NEXMIF: variants seen among roughly 807,000 people sequenced by gnomAD.
The protein encoded by NEXMIF is neurite extension and migration factor.
NEXMIF carries 8 observed loss-of-function variants against 62.1 expected under a neutral mutation model. That is an observed-to-expected ratio of 0.13 (90% CI 0.08 to 0.23). NEXMIF has a LOEUF of 0.23. Among genes scored for constraint, NEXMIF ranks in the 10% least tolerant of loss-of-function variants. NEXMIF has a pLI of 1.00. For synonymous variants in NEXMIF, 404 were observed against 416.6 expected (o/e 0.97, Z 0.37); for missense variants, 976 against 1,113.3 (o/e 0.88, Z 1.75).
chrX:74,787,738 C>T (rs182004373), intron 1 of NEXMIF, among the ~76,000 whole-genome samples: 15 of 111,810 alleles, frequency 1.3e-4, no homozygotes, highest in Non-Finnish European at 1.9e-4. Flanking sequence ...CCTCTTTGGG[C>T]GAGAGAGCTG....
chrX:74,824,923 C>A (rs1291992579), intron 1 of NEXMIF, among the ~76,000 whole-genome samples: 2 of 111,185 alleles, frequency 1.8e-5, no homozygotes, highest in African/African-American at 6.5e-5. Context: ...GCTGGGATTA[C>A]AGGTATAAGC....
intron 1 of NEXMIF, among the ~76,000 whole-genome samples, chrX:74,895,097 T>C (rs2080728879): frequency 8.9e-6 from 1 of 112,276 alleles, no homozygotes; most frequent in South Asian, 3.7e-4. Context: ...CTGTTAGAAA[T>C]AGTAAACAAA....
intron 1 of NEXMIF, among the ~76,000 whole-genome samples, chrX:74,849,685 A>G (rs1471075843): frequency 8.9e-6 from 1 of 112,497 alleles, no homozygotes; most frequent in Non-Finnish European, 1.9e-5. Context: ...GTGCATCCAG[A>G]GCAGAACCAT....
chrX:74,840,257 G>A (rs2080469834), intron 1 of NEXMIF, among the ~76,000 whole-genome samples: 1 of 111,109 alleles, frequency 9.0e-6, no homozygotes, highest in African/African-American at 3.3e-5. Flanking sequence ...CTTTTAAGTG[G>A]GGTTGTTTTT....
At chrX:74,766,041 CA>C (rs35891512) in intron 1 of NEXMIF, among the ~76,000 whole-genome samples, 795 of 78,755 alleles carry the variant, frequency 0.01, 6 homozygotes, top group Middle Eastern at 0.024. Context: ...ACTCTGTCTC[CA>C]AAAAAAAAAA....
rs755756781 is a variant in NEXMIF, at chrX:74,879,628, C to G, written c.-48+45255G>C. Reference sequence around the variant, plus strand: ...TACATAGTAAAGACCACTCCCATTTCAAGAATGTACTGACATTTGGAATGG... The same window carrying G: ...TACATAGTAAAGACCACTCCCATTTGAAGAATGTACTGACATTTGGAATGG... On this transcript the variant is annotated intron_variant, in intron 1 of 3. Transcript: ENST00000055682. Among the ~76,000 whole-genome samples, 6 of 112,124 alleles carry G rather than the reference C, an allele frequency of 5.4e-5. No homozygotes were observed. The East Asian group carries it at 8.4e-4, about 16-fold the overall frequency.
At chrX:74,887,716 A>C (rs1336758582) in intron 1 of NEXMIF, among the ~76,000 whole-genome samples, 2 of 111,850 alleles carry the variant, frequency 1.8e-5, no homozygotes, top group African/African-American at 6.5e-5. Context: ...AAACTAGTTC[A>C]ACCATTGTGG....
intron 1 of NEXMIF, among the ~76,000 whole-genome samples, chrX:74,832,547 C>G (rs897304446): frequency 1.5e-4 from 17 of 110,687 alleles, no homozygotes; most frequent in Non-Finnish European, 9.5e-5. Flanking sequence ...CAAAACAAAA[C>G]AAAATGAAAA....
At chrX:74,921,583 C>T (rs2080827262) in intron 1 of NEXMIF, among the ~76,000 whole-genome samples, 1 of 111,292 alleles carries the variant, frequency 9.0e-6, no homozygotes, top group Admixed American at 9.6e-5. Flanking sequence ...GTTTTGTTTT[C>T]AAGCAGCCCT....
At chrX:74,791,562 A>C (rs2080283038) in intron 1 of NEXMIF, among the ~76,000 whole-genome samples, 1 of 111,460 alleles carries the variant, frequency 9.0e-6, no homozygotes, top group Admixed American at 9.5e-5. Flanking sequence ...GTACCAGCTA[A>C]TCCTTGTACC....
At chrX:74,806,073 T>C (rs2080343996) in intron 1 of NEXMIF, among the ~76,000 whole-genome samples, 2 of 111,834 alleles carry the variant, frequency 1.8e-5, no homozygotes, top group Admixed American at 9.5e-5. Flanking sequence ...CTTTATCAGA[T>C]ACGTGATTTG....
At chrX:74,767,973 G>A (rs893810099) in intron 1 of NEXMIF, among the ~76,000 whole-genome samples, 3 of 111,129 alleles carry the variant, frequency 2.7e-5, no homozygotes, top group Non-Finnish European at 3.8e-5. Context: ...TGTATGGGAG[G>A]GGGGGTCTAA....
At chrX:74,871,464 G>C (rs1021360493) in intron 1 of NEXMIF, among the ~76,000 whole-genome samples, 1 of 111,440 alleles carries the variant, frequency 9.0e-6, no homozygotes, top group Non-Finnish European at 1.9e-5. Flanking sequence ...CAGGAAACAG[G>C]GTTCGAGAGC....
chrX:74,773,295 C>G (rs1025476183), intron 1 of NEXMIF, among the ~76,000 whole-genome samples: 2 of 112,012 alleles, frequency 1.8e-5, no homozygotes, highest in Non-Finnish European at 3.8e-5. Context: ...AAACAATGGT[C>G]TTACAAGATA....
intron 1 of NEXMIF, among the ~76,000 whole-genome samples, chrX:74,913,397 C>T (rs938512542): frequency 9.0e-6 from 1 of 111,003 alleles, no homozygotes; most frequent in Non-Finnish European, 1.9e-5. Flanking sequence ...GAACAGGCCT[C>T]GGGGACCTGT....
intron 1 of NEXMIF, among the ~76,000 whole-genome samples, chrX:74,908,235 T>G (rs1204664610): frequency 8.9e-6 from 1 of 112,012 alleles, no homozygotes; most frequent in East Asian, 2.8e-4. Flanking sequence ...AAAATAGGCT[T>G]TCATTTCAAA....
chrX:74,864,821 G>C (rs764888542), intron 1 of NEXMIF, among the ~76,000 whole-genome samples: 1 of 110,456 alleles, frequency 9.1e-6, no homozygotes, highest in Admixed American at 9.6e-5. Flanking sequence ...CAATTCTCAT[G>C]CCTCAGCCTC....
At chrX:74,844,773 C>T (rs2080486321) in intron 1 of NEXMIF, among the ~76,000 whole-genome samples, 1 of 112,499 alleles carries the variant, frequency 8.9e-6, no homozygotes, top group South Asian at 3.7e-4. Context: ...TACTTAAGTC[C>T]TGCAATCCAG....
Position 74,857,018 on chromosome X carries a change from G to A in NEXMIF, c.-48+67865C>T, listed in dbSNP as rs964648658. 2.7e-5 allele frequency among the ~76,000 whole-genome samples: 3 copies of A among 112,454 alleles called. No homozygotes were observed. In the Admixed American group the frequency reaches 2.8e-4, roughly 11 times the overall value. ...TCCCATTTCCCAGCAGTTGGAATGT[G>A]AGTTCTGGCAAGCTTTGCCATCATC... is the stretch of plus-strand genomic sequence containing the variant. On this transcript the variant is annotated intron_variant, in intron 1 of 3. Coordinates refer to ENST00000055682, the MANE Select transcript of NEXMIF (RefSeq NM_001008537.3).
Sources: gnomAD v4.1 joint callset for allele counts (sites outside exome capture counted in the v4.1 genomes callset) on GRCh38, gnomAD v4.1.1 for gene constraint, MANE v1.5 for transcripts, NCBI Gene and HGNC (gene_info 2026-07-23, HGNC 2026-07-21) for gene names.